Variants in CEP112 observed in about 807,000 individuals in gnomAD.
CEP112 encodes centrosomal protein 112, also known as centrosomal protein of 112 kDa.
In CEP112, 127 loss-of-function variants were observed where a neutral mutation model predicts 153.0. The ratio of observed to expected loss-of-function variants is 0.83; its 90% CI spans 0.72 to 0.96. The LOEUF (loss-of-function observed/expected upper bound fraction) is 0.96. Ranked by LOEUF, CEP112 falls within the 40% of genes least tolerant of loss-of-function variation. The pLI is 0.00. For missense variants in CEP112, 1,089 were observed against 1,101.2 expected, an observed-to-expected ratio of 0.99 and a Z score of 0.16; for synonymous variants, 358 against 374.4, an observed-to-expected ratio of 0.96 and a Z score of 0.51.
At chr17:65,977,468 C>A (rs1020340057) in intron 17 of CEP112, among the ~76,000 whole-genome samples, 32 of 152,156 alleles carry the variant, frequency 2.1e-4, no homozygotes, top group Non-Finnish European at 1.5e-5. Context: ...GCACCTCCAC[C>A]AGCTGTGTGA....
intron 19 of CEP112, among the ~76,000 whole-genome samples, chr17:65,914,121 TTAAC>T (rs1472095614): frequency 5.3e-5 from 8 of 152,026 alleles, no homozygotes; most frequent in Admixed American, 3.3e-4. Context: ...AATTAACTAA[TTAAC>T]TAAATTAATG....
intron 21 of CEP112, among the ~76,000 whole-genome samples, chr17:65,753,480 C>T (rs1489249457): frequency 6.6e-6 from 1 of 152,106 alleles, no homozygotes; most frequent in African/African-American, 2.4e-5. Context: ...TATCTATAAT[C>T]CCATCGAGTA....
chr17:65,722,078 G>A (rs1011823123), intron 23 of CEP112, among the ~76,000 whole-genome samples: 3 of 152,192 alleles, frequency 2.0e-5, no homozygotes, highest in Admixed American at 1.3e-4. Flanking sequence ...ATTTGACTAT[G>A]TGGAGTAGGA....
chr17:66,124,427 A>G (rs962793604), intron 6 of CEP112, among the ~76,000 whole-genome samples: 18 of 152,146 alleles, frequency 1.2e-4, no homozygotes, highest in Non-Finnish European at 5.9e-5. Context: ...AGTATATAAA[A>G]TGTTCCTCCC....
At chr17:66,189,670 TAAAG>T (rs2073089627) in intron 1 of CEP112, among the ~76,000 whole-genome samples, 1 of 151,870 alleles carries the variant, frequency 6.6e-6, no homozygotes, top group African/African-American at 2.4e-5. Flanking sequence ...TCCAAAAAAA[TAAAG>T]AAATGGAAAA....
At chr17:65,840,130 AAT>A (rs541778873) in intron 21 of CEP112, among the ~76,000 whole-genome samples, 8 of 152,248 alleles carry the variant, frequency 5.3e-5, no homozygotes, top group Non-Finnish European at 1.0e-4. Context: ...TCAAAACACC[AAT>A]GAGATTCTTC....
intron 21 of CEP112, among the ~76,000 whole-genome samples, chr17:65,759,531 A>C (rs904690417): frequency 2.0e-5 from 3 of 152,202 alleles, no homozygotes; most frequent in African/African-American, 7.2e-5. Flanking sequence ...CAAAACATTC[A>C]AACTTGAAAA....
intron 21 of CEP112, among the ~76,000 whole-genome samples, chr17:65,777,852 C>T (rs1301524396): frequency 2.0e-5 from 3 of 152,106 alleles, no homozygotes; most frequent in Non-Finnish European, 4.4e-5. Flanking sequence ...GTTTGAATGG[C>T]ACTGTACCTA....
At chr17:65,686,971 T>C (rs2047829691) in intron 24 of CEP112, among the ~76,000 whole-genome samples, 1 of 152,122 alleles carries the variant, frequency 6.6e-6, no homozygotes, top group Non-Finnish European at 1.5e-5. Context: ...TACTGTGTGA[T>C]CTTGGATCTA....
chr17:66,036,425 A>G (rs2065743671), intron 12 of CEP112, among the ~76,000 whole-genome samples: 1 of 152,198 alleles, frequency 6.6e-6, no homozygotes, highest in African/African-American at 2.4e-5. Flanking sequence ...ACCACATTAA[A>G]TGTGCATACA....
At position 65,916,250 on chromosome 17, in the gene CEP112, A is replaced by AGTGTGTGTGTGT. The variant is rs3222034; in HGVS notation, c.1980+11320_1980+11331dup. 7.5e-3 allele frequency among the ~76,000 whole-genome samples: 979 copies of AGTGTGTGTGTGT among 129,930 alleles called. 11 individuals carry two copies. Among genetic ancestry groups the AGTGTGTGTGTGT allele is most frequent in the Admixed American group, 0.028 (350 of 12,344 alleles). 85.2% of individuals were successfully genotyped at this position (129,930 alleles called of 152,430 possible). A position where few individuals can be genotyped will look rare whatever the true frequency, so the allele number is the denominator to read the frequency against. On this transcript the variant is annotated intron_variant, in intron 19 of 26. Transcript: ENST00000535342. ...TACCTTAAATTATGTTTTGAAAAAG[A>AGTGTGTGTGTGT]GTGTGTGTGTGTGTGTGTGTGTGTG...
At chr17:65,714,823 T>C (rs952608710) in intron 23 of CEP112, among the ~76,000 whole-genome samples, 1 of 152,140 alleles carries the variant, frequency 6.6e-6, no homozygotes, top group Non-Finnish European at 1.5e-5. Flanking sequence ...CTACCCTAGA[T>C]GATGTTTAGG....
At position 66,000,268 on chromosome 17, in the gene CEP112, G is replaced by GATA. The variant is rs2063974147; in HGVS notation, c.1736+5421_1736+5422insTAT. On this transcript the variant is annotated intron_variant, in intron 17 of 26. Transcript: ENST00000535342. ...CTTTTTAGTAATAACCATTTTGACTGTAAGATGGTATCTCATTGTGGTTTT... is the reference window on the plus strand; with the variant it reads ...CTTTTTAGTAATAACCATTTTGACTGATATAAGATGGTATCTCATTGTGGTTTT... Among the ~76,000 whole-genome samples, 4 of 147,980 alleles carry GATA rather than the reference G, an allele frequency of 2.7e-5. No homozygotes were observed. The South Asian group carries it at 8.6e-4, about 32-fold the overall frequency.
chr17:66,075,814 C>A (rs2067469890), intron 8 of CEP112, among the ~76,000 whole-genome samples: 1 of 152,088 alleles, frequency 6.6e-6, no homozygotes, highest in South Asian at 2.1e-4. Context: ...CCCGAGGGGA[C>A]CCCCAGACCC....
chr17:66,036,378 TAAAAAG>T (rs10563771), intron 12 of CEP112, among the ~76,000 whole-genome samples: 77,474 of 150,258 alleles, frequency 0.52, 20,675 homozygotes, highest in African/African-American at 0.59. Context: ...TTTACCACAA[TAAAAAG>T]AAAAAGAGAA....
At chr17:65,894,028 A>G (rs2143281569) in intron 20 of CEP112, among the ~76,000 whole-genome samples, 1 of 152,254 alleles carries the variant, frequency 6.6e-6, no homozygotes, top group South Asian at 2.1e-4. Flanking sequence ...CTCTTACAGA[A>G]CCGATTGAGT....
intron 17 of CEP112, among the ~76,000 whole-genome samples, chr17:65,964,836 T>C (rs1409775558): frequency 6.6e-6 from 1 of 152,230 alleles, no homozygotes; most frequent in South Asian, 2.1e-4. Flanking sequence ...GACCATTTTA[T>C]AATTAAGATT....
At chr17:66,094,840 A>T (rs2068275997) in intron 8 of CEP112, among the ~76,000 whole-genome samples, 1 of 152,208 alleles carries the variant, frequency 6.6e-6, no homozygotes, top group Admixed American at 6.5e-5. Context: ...TGGGCAAAGG[A>T]TCTGAATAGA....
At chr17:65,850,994 T>C (rs1050986066) in intron 21 of CEP112, among the ~76,000 whole-genome samples, 1 of 152,234 alleles carries the variant, frequency 6.6e-6, no homozygotes, top group African/African-American at 2.4e-5. Flanking sequence ...CTATGTAAAA[T>C]CAATGTAGTA....
Sources: allele counts gnomAD v4.1 joint callset (sites outside exome capture counted in the v4.1 genomes callset), GRCh38; gene constraint gnomAD v4.1.1; transcripts MANE v1.5; gene names NCBI Gene and HGNC (gene_info 2026-07-23, HGNC 2026-07-21).